Variants in WDR27 observed in about 807,000 individuals in gnomAD.
WDR27 encodes WD repeat-containing protein 27.
Under a neutral mutation model 114.4 loss-of-function variants are expected in WDR27, and 100 were observed. The ratio of observed to expected loss-of-function variants is 0.87; its 90% CI spans 0.74 to 1.03. WDR27 has a LOEUF of 1.03. Ranked by LOEUF, WDR27 falls within the 50% of genes least tolerant of loss-of-function variation. The pLI is 0.00. For synonymous variants in WDR27, 449 were observed against 423.1 expected (o/e 1.06, Z -0.75); for missense variants, 1,129 against 1,092.9 (o/e 1.03, Z -0.47).
chr6:169,550,706 C>T lies in WDR27; in HGVS notation c.2645+21713G>A, dbSNP rs144553030. ...AAAGTGCTGGGATTACAGGTGTGAG[C>T]CACCACACCTGGCCTTATTTTATTT... On this transcript the variant is annotated intron_variant, in intron 25 of 25. Transcript: ENST00000448612. 3.3e-3 allele frequency among the ~76,000 whole-genome samples: 495 copies of T among 151,264 alleles called. 6 individuals are homozygous for T. The highest frequency in any genetic ancestry group is 0.03 in the East Asian group (153 of 5,104).
At chr6:169,565,146 G>C (rs933379533) in intron 25 of WDR27, among the ~76,000 whole-genome samples, 1 of 152,180 alleles carries the variant, frequency 6.6e-6, no homozygotes, top group African/African-American at 2.4e-5. Flanking sequence ...TGACCAGCAC[G>C]GGATAGAAAC....
chr6:169,454,752 C>G (rs916408054), downstream of WDR27, among the ~76,000 whole-genome samples: 1 of 152,214 alleles, frequency 6.6e-6, no homozygotes, highest in Non-Finnish European at 1.5e-5. Flanking sequence ...CATCTTATCA[C>G]GCAAGCACCA....
At chr6:169,670,538 T>A in intron 4 of WDR27, 31 bp downstream of exon 4, 1 of 1,613,710 alleles carries the variant, frequency 6.2e-7, no homozygotes. Context: ...GCTAAACCCT[T>A]CCGTGAAATC....
Position 169,649,294 on chromosome 6 carries a change from A to T in WDR27, c.1482-19T>A, listed in dbSNP as rs755439274. On this transcript the variant is annotated intron_variant, in intron 14 of 25. Coordinates refer to ENST00000448612, the MANE Select transcript of WDR27 (RefSeq NM_182552.5). The stretch of plus-strand genomic sequence containing the variant: ...AGTTACACTGTGGAAAGAAAACTCT[A>T]ATATCACTCTCAAATATTAAGAGGT... 4 of 1,545,546 alleles carry T rather than the reference A, an allele frequency of 2.6e-6. No individual in the cohort carries two copies. The highest frequency in any genetic ancestry group is 3.5e-6 in the Non-Finnish European group (4 of 1,138,752).
intron 1 of WDR27, among the ~76,000 whole-genome samples, chr6:169,697,090 T>C (rs1320190053): frequency 6.6e-6 from 1 of 152,234 alleles, no homozygotes; most frequent in Non-Finnish European, 1.5e-5. Flanking sequence ...AGAACGGTTA[T>C]ACCAGATATA....
intron 25 of WDR27, among the ~76,000 whole-genome samples, chr6:169,462,122 G>C (rs1784978524): frequency 6.6e-6 from 1 of 150,788 alleles, no homozygotes; most frequent in African/African-American, 2.4e-5. Flanking sequence ...TGAGGAAATT[G>C]AATCAGTAAC....
intron 25 of WDR27, among the ~76,000 whole-genome samples, chr6:169,538,087 C>A (rs890628029): frequency 1.3e-5 from 2 of 152,018 alleles, no homozygotes; most frequent in African/African-American, 4.8e-5. Context: ...ACAACTGGGG[C>A]AGCTAGGCTA....
chr6:169,452,421 T>A (rs991665053), downstream of WDR27, among the ~76,000 whole-genome samples: 1 of 152,250 alleles, frequency 6.6e-6, no homozygotes, highest in Admixed American at 6.5e-5. Context: ...AGGCTTTGAG[T>A]GTTTCTGTGA....
chr6:169,645,030 AAAAAAT>A (rs1820231287), intron 16 of WDR27, among the ~76,000 whole-genome samples: 1 of 128,732 alleles, frequency 7.8e-6, no homozygotes. Context: ...AAATAAAAAA[AAAAAAT>A]AAAAAAAAAA....
the WDR27 span, among the ~76,000 whole-genome samples, chr6:169,439,838 A>C: frequency 1.3e-5 from 2 of 151,584 alleles, no homozygotes; most frequent in Admixed American, 6.6e-5. Context: ...AATAGGATGC[A>C]ATTATAATCG....
chr6:169,555,776 G>C (rs1010529754), intron 25 of WDR27, among the ~76,000 whole-genome samples: 1 of 152,112 alleles, frequency 6.6e-6, no homozygotes, highest in Non-Finnish European at 1.5e-5. Flanking sequence ...AAATTCACTT[G>C]AAATATCTTC....
intron 25 of WDR27, among the ~76,000 whole-genome samples, chr6:169,514,605 A>T (rs536704545): frequency 1.3e-5 from 2 of 148,266 alleles, no homozygotes; most frequent in South Asian, 2.1e-4. Context: ...ATAAACATTA[A>T]TTTTTTAATA....
chr6:169,578,018 C>A (rs960296555), intron 24 of WDR27, among the ~76,000 whole-genome samples: 5 of 152,198 alleles, frequency 3.3e-5, no homozygotes, highest in Non-Finnish European at 1.5e-5. Context: ...CTCTCCCCAA[C>A]CATCTTCACC....
chr6:169,544,352 T>TTAGAACTAA (rs1402353639), intron 25 of WDR27, among the ~76,000 whole-genome samples: 2 of 151,966 alleles, frequency 1.3e-5, no homozygotes, highest in Non-Finnish European at 2.9e-5. Flanking sequence ...AAAAAAACTC[T>TTAGAACTAA]TAGAACTAAT....
intron 24 of WDR27, among the ~76,000 whole-genome samples, chr6:169,582,073 A>C (rs1803542866): frequency 6.6e-6 from 1 of 152,336 alleles, no homozygotes; most frequent in South Asian, 2.1e-4. Flanking sequence ...TCCCAGGTTC[A>C]AGCGATTCTC....
intron 17 of WDR27, among the ~76,000 whole-genome samples, chr6:169,643,162 G>A (rs1819652505): frequency 1.3e-5 from 2 of 152,146 alleles, no homozygotes; most frequent in Non-Finnish European, 2.9e-5. Context: ...AAGTTCTAAA[G>A]CAAGCCATAT....
chr6:169,634,391 G>T, intron 20 of WDR27, 37 bp downstream of exon 20: 1 of 1,491,208 alleles, frequency 6.7e-7, no homozygotes, highest in South Asian at 1.2e-5. Context: ...CAACACTCAG[G>T]GCGTAAAACC....
chr6:169,563,387 C>G (rs924415428), intron 25 of WDR27, among the ~76,000 whole-genome samples: 4 of 152,172 alleles, frequency 2.6e-5, no homozygotes, highest in Non-Finnish European at 4.4e-5. Flanking sequence ...TCTACCAAGC[C>G]AGACCCTGAA....
At chr6:169,532,115 A>T (rs1795678646) in intron 25 of WDR27, among the ~76,000 whole-genome samples, 1 of 152,132 alleles carries the variant, frequency 6.6e-6, no homozygotes, top group Non-Finnish European at 1.5e-5. Context: ...TACATTTTTA[A>T]TTTTAATACA....
Sources: allele counts gnomAD v4.1 joint callset (sites outside exome capture counted in the v4.1 genomes callset), GRCh38; gene constraint gnomAD v4.1.1; transcripts MANE v1.5; gene names NCBI Gene and HGNC (gene_info 2026-07-23, HGNC 2026-07-21).